ARB2A: variants seen among roughly 807,000 people sequenced by gnomAD.
ARB2A encodes the protein cotranscriptional regulator ARB2A.
chr5:94,055,003 C>T, the ARB2A span, among the ~76,000 whole-genome samples: 1 of 152,144 alleles, frequency 6.6e-6, no homozygotes, highest in Non-Finnish European at 1.5e-5. Flanking sequence ...CTAAAAGATG[C>T]TCCAGCCTCA....
chr5:93,936,028 T>G, the ARB2A span, among the ~76,000 whole-genome samples: 3 of 152,204 alleles, frequency 2.0e-5, no homozygotes, highest in Non-Finnish European at 4.4e-5. Context: ...AAAAAGTGAA[T>G]AGACTTTGAG....
At chr5:93,842,999 C>A in the ARB2A span, among the ~76,000 whole-genome samples, 1 of 152,180 alleles carries the variant, frequency 6.6e-6, no homozygotes, top group Non-Finnish European at 1.5e-5. Flanking sequence ...TCTAAACTTC[C>A]CCACTGTTGG....
the ARB2A span, among the ~76,000 whole-genome samples, chr5:93,708,549 A>G: frequency 6.6e-6 from 1 of 152,192 alleles, no homozygotes; most frequent in Non-Finnish European, 1.5e-5. Flanking sequence ...GATCCTTCGC[A>G]TGTGGAGTTG....
At chr5:94,032,581 CA>C in the ARB2A span, among the ~76,000 whole-genome samples, 1 of 152,120 alleles carries the variant, frequency 6.6e-6, no homozygotes, top group Non-Finnish European at 1.5e-5. Context: ...CAAACTACAT[CA>C]AACGCCAGCC....
At chr5:93,748,443 G>T in the ARB2A span, among the ~76,000 whole-genome samples, 1 of 152,010 alleles carries the variant, frequency 6.6e-6, no homozygotes, top group South Asian at 2.1e-4. Flanking sequence ...GATATGACTA[G>T]AATTAGAACT....
At chr5:93,852,374 A>G in the ARB2A span, among the ~76,000 whole-genome samples, 1 of 152,072 alleles carries the variant, frequency 6.6e-6, no homozygotes, top group Admixed American at 6.6e-5. Context: ...AGATGAGTAG[A>G]TTGCAAAAAT....
chr5:93,738,456 A>G, the ARB2A span: 1 of 152,270 alleles, frequency 6.6e-6, no homozygotes, highest in African/African-American at 2.4e-5. Context: ...TATACATCCA[A>G]GAGAACTGAA....
chr5:93,892,231 A>G, the ARB2A span, among the ~76,000 whole-genome samples: 1 of 152,194 alleles, frequency 6.6e-6, no homozygotes, highest in Admixed American at 6.6e-5. Context: ...TCAGCCAAAG[A>G]GAGGCAAAGA....
chr5:94,073,621 T>C, the ARB2A span, among the ~76,000 whole-genome samples: 1 of 152,102 alleles, frequency 6.6e-6, no homozygotes, highest in Non-Finnish European at 1.5e-5. Context: ...AGGCTGAACA[T>C]GCACAAAATC....
chr5:94,097,210 C>T, the ARB2A span, among the ~76,000 whole-genome samples: 1 of 152,226 alleles, frequency 6.6e-6, no homozygotes, highest in Non-Finnish European at 1.5e-5. Context: ...CCAGTCTGAT[C>T]TGAGCATTCC....
chr5:93,838,189 G>A, the ARB2A span, among the ~76,000 whole-genome samples: 47 of 151,742 alleles, frequency 3.1e-4, no homozygotes, highest in Middle Eastern at 6.8e-3. Flanking sequence ...TGTATATGAT[G>A]TCTGTCCAAT....
At chr5:94,101,807 G>A in the ARB2A span, among the ~76,000 whole-genome samples, 14 of 152,096 alleles carry the variant, frequency 9.2e-5, no homozygotes, top group South Asian at 2.9e-3. Context: ...GGGAGGTGAG[G>A]AGGAGGGCAA....
At chr5:93,755,447 T>C in the ARB2A span, among the ~76,000 whole-genome samples, 3 of 152,164 alleles carry the variant, frequency 2.0e-5, no homozygotes, top group Non-Finnish European at 2.9e-5. Flanking sequence ...GAGGCTTGCA[T>C]TGTGAATTCT....
At chr5:93,647,821 G>C in the ARB2A span, among the ~76,000 whole-genome samples, 1 of 152,198 alleles carries the variant, frequency 6.6e-6, no homozygotes, top group African/African-American at 2.4e-5. Context: ...ACTGCGCCAA[G>C]TGCAGGATCG....
At chr5:93,960,094 C>T in the ARB2A span, among the ~76,000 whole-genome samples, 1 of 141,648 alleles carries the variant, frequency 7.1e-6, no homozygotes, top group African/African-American at 2.7e-5. Flanking sequence ...CCCCCCCCCC[C>T]CAAAAAAAGC....
chr5:93,935,291 G>T, the ARB2A span, among the ~76,000 whole-genome samples: 341 of 152,152 alleles, frequency 2.2e-3, 4 homozygotes, highest in African/African-American at 7.5e-3. Context: ...AAACACAGAG[G>T]GGACCTAACC....
chr5:93,691,419 A>G, the ARB2A span, among the ~76,000 whole-genome samples: 1 of 151,930 alleles, frequency 6.6e-6, no homozygotes, highest in South Asian at 2.1e-4. Flanking sequence ...AGCAGAAGGA[A>G]GGATATCAGG....
At chr5:93,981,749 T>C in the ARB2A span, among the ~76,000 whole-genome samples, 21 of 152,134 alleles carry the variant, frequency 1.4e-4, no homozygotes, top group Non-Finnish European at 8.8e-5. Context: ...TTGGGTATTT[T>C]ATGATATTTT....
chr5:93,916,739 G>T, the ARB2A span, among the ~76,000 whole-genome samples: 2 of 151,952 alleles, frequency 1.3e-5, no homozygotes, highest in Non-Finnish European at 2.9e-5. Context: ...CAAACTAGAG[G>T]AAACATTCCA....
Sources: gnomAD v4.1 joint callset for allele counts (sites outside exome capture counted in the v4.1 genomes callset) on GRCh38, gnomAD v4.1.1 for gene constraint, MANE v1.5 for transcripts, NCBI Gene and HGNC (gene_info 2026-07-23, HGNC 2026-07-21) for gene names.